IL26: variants seen among roughly 807,000 people sequenced by gnomAD.
IL26 encodes the protein interleukin 26.
A neutral mutation model predicts 21.7 loss-of-function variants in IL26; 23 were observed. The ratio of observed to expected loss-of-function variants is 1.06; its 90% CI spans 0.76 to 1.50. The LOEUF (loss-of-function observed/expected upper bound fraction) is 1.50. Ranked by LOEUF, IL26 falls within the 40% of genes most tolerant of loss-of-function variation. The probability of loss-of-function intolerance (pLI) is 0.00; values close to 1 mark genes in which losing one functional copy is unlikely to be tolerated. For missense variants in IL26, 204 were observed against 196.0 expected, an observed-to-expected ratio of 1.04 and a Z score of -0.24; for synonymous variants, 63 against 67.8, an observed-to-expected ratio of 0.93 and a Z score of 0.34.
chr12:68,221,620 C>T (rs1032610234), intron 3 of IL26, among the ~76,000 whole-genome samples: 3 of 152,200 alleles, frequency 2.0e-5, no homozygotes, highest in East Asian at 1.9e-4. Context: ...CTGTTATCTG[C>T]AGCCAGTAAT....
chr12:68,217,849 A>G (rs1444648622), intron 3 of IL26, among the ~76,000 whole-genome samples: 1 of 152,202 alleles, frequency 6.6e-6, no homozygotes, highest in East Asian at 1.9e-4. Flanking sequence ...CAGTCAGAAA[A>G]TACAGACTAT....
In IL26 at chr12:68,225,152, G is replaced by C. The variant is rs1198167721; in HGVS notation, c.360C>G (p.His120Gln). 1 of 1,608,296 alleles carries C rather than the reference G, an allele frequency of 6.2e-7. No homozygotes were observed. Among genetic ancestry groups the C allele is most frequent in the Non-Finnish European group, 8.5e-7 (1 of 1,178,216 alleles). ...DFHSLRQKLS[H>Q]CISCASSARE... ...AGTATTTGTTGTGTATACTTACACA[G>C]TGGCTCAATTTCTGCCTAAGGCTAT... Residue 120 changes from histidine to glutamine, a missense_variant, in exon 3 of 5, where the codon CAC (histidine) becomes CAG (glutamine). Coordinates refer to ENST00000229134, the MANE Select transcript of IL26 (RefSeq NM_018402.2).
At chr12:68,213,870 C>T (rs1706554972) in intron 3 of IL26, among the ~76,000 whole-genome samples, 1 of 151,926 alleles carries the variant, frequency 6.6e-6, no homozygotes, top group African/African-American at 2.4e-5. Flanking sequence ...TGTTTCTGCT[C>T]TGACATTTAT....
At position 68,225,641 on chromosome 12, in the gene IL26, G is replaced by A. The variant is rs1869223883; in HGVS notation, c.116C>T (p.Ser39Phe). The A allele has an allele frequency of 6.2e-7, 1 of 1,614,048 alleles. No individual in the cohort carries two copies. The highest frequency in any genetic ancestry group is 1.1e-5 in the South Asian group (1 of 91,074). Residue 39 changes from serine to phenylalanine, a missense_variant, in exon 1 of 5, where the codon TCC (serine) becomes TTC (phenylalanine). By Grantham distance (155) the Ser-to-Phe change is radical. Transcript: ENST00000229134. ...TKSCYPRGTL[S>F]QAVDALYIKA... ...GATATAGAGAGCGTCAACAGCTTGG[G>A]ACAATGTTCCCCTTGGGTAACAACT...
intron 3 of IL26, among the ~76,000 whole-genome samples, chr12:68,202,333 A>T (rs74731115): frequency 6.6e-6 from 1 of 152,236 alleles, no homozygotes; most frequent in Non-Finnish European, 1.5e-5. Context: ...TCGAAACTCT[A>T]TGACAGGGAT....
intron 3 of IL26, among the ~76,000 whole-genome samples, chr12:68,223,277 A>G (rs958040140): frequency 1.3e-5 from 2 of 152,164 alleles, no homozygotes; most frequent in Admixed American, 1.3e-4. Flanking sequence ...CGTGTTGCCT[A>G]GCGAGATTGA....
intron 3 of IL26, among the ~76,000 whole-genome samples, chr12:68,215,148 T>C (rs1868840155): frequency 6.6e-6 from 1 of 152,186 alleles, no homozygotes; most frequent in Non-Finnish European, 1.5e-5. Context: ...TTTTAAAAAC[T>C]ATACTTTAAC....
chr12:68,203,910 C>A, intron 3 of IL26, among the ~76,000 whole-genome samples: 1 of 152,114 alleles, frequency 6.6e-6, no homozygotes, highest in Non-Finnish European at 1.5e-5. Flanking sequence ...CAGGGTTAGA[C>A]CTCACTGTGA....
intron 3 of IL26, 22 bp from the exon 4 acceptor site, chr12:68,202,105 C>T (rs1382086454): frequency 2.0e-6 from 3 of 1,465,434 alleles, no homozygotes; most frequent in Non-Finnish European, 2.8e-6. Flanking sequence ...ACAGTAATTA[C>T]AGATAATATT....
rs376101183 is a variant in IL26, at chr12:68,201,811, A to C, written c.*34T>G. On this transcript the variant is annotated 3_prime_UTR_variant, in exon 5 of 5. Transcript: ENST00000229134. ...TTCTAGCAGTTCTTATTGTATTTCA[A>C]AATAACTGTAAAATCAATGTACTTG... 2 of 1,413,978 alleles carry C rather than the reference A, an allele frequency of 1.4e-6. No homozygotes were observed. The highest frequency in any genetic ancestry group is 2.5e-5 in the South Asian group (2 of 79,274). The allele number at this position is 1,413,978 out of a possible 1,614,324, so 87.6% of individuals were successfully genotyped here.
intron 3 of IL26, among the ~76,000 whole-genome samples, chr12:68,219,121 TAAAAC>T (rs918593299): frequency 1.5e-4 from 23 of 151,746 alleles, no homozygotes; most frequent in African/African-American, 5.1e-4. Flanking sequence ...CAATAATTGA[TAAAAC>T]AAGTAGAAAA....
At chr12:68,207,556 C>A (rs574925082) in intron 3 of IL26, among the ~76,000 whole-genome samples, 1 of 152,250 alleles carries the variant, frequency 6.6e-6, no homozygotes, top group African/African-American at 2.4e-5. Context: ...AGTAGTACAG[C>A]ATTACCACAA....
At chr12:68,220,534 A>C (rs1869016252) in intron 3 of IL26, among the ~76,000 whole-genome samples, 1 of 152,222 alleles carries the variant, frequency 6.6e-6, no homozygotes, top group Non-Finnish European at 1.5e-5. Flanking sequence ...TTTTTTCATG[A>C]CCTTTGTGTT....
intron 3 of IL26, among the ~76,000 whole-genome samples, chr12:68,211,937 CA>C (rs11570943): frequency 1.3e-4 from 19 of 150,968 alleles, no homozygotes; most frequent in Non-Finnish European, 2.5e-4. Flanking sequence ...AGGACTTACT[CA>C]AAAAAAAATC....
In IL26 at chr12:68,202,759, C is replaced by T. The variant is rs529224300; in HGVS notation, c.364-676G>A. Among the ~76,000 whole-genome samples, 10 of 152,208 alleles carry T rather than the reference C, an allele frequency of 6.6e-5. No homozygotes were observed. The South Asian group carries it at 8.3e-4, about 13-fold the overall frequency. On this transcript the variant is annotated intron_variant, in intron 3 of 4. Transcript: ENST00000229134. ...ATTTGGGTGGGGACACAGAGCCAAA[C>T]CATATCAACATTTAAGTTGAGATAA...
chr12:68,223,883 G>GTTTTTTTTTTTTTTTTTTTTTT (rs201652400), intron 3 of IL26, among the ~76,000 whole-genome samples: 2 of 81,914 alleles, frequency 2.4e-5, no homozygotes, highest in Admixed American at 1.2e-4. Flanking sequence ...TAAATTTGGT[G>GTTTTTTTTTTTTTTTTTTTTTT]GTTTTTTTTT....
At chr12:68,212,362 G>C (rs775990983) in intron 3 of IL26, among the ~76,000 whole-genome samples, 3 of 151,818 alleles carry the variant, frequency 2.0e-5, no homozygotes, top group Non-Finnish European at 4.4e-5. Flanking sequence ...TTTGGCTTTT[G>C]GGGGGTCTTT....
At position 68,216,050 on chromosome 12, in the gene IL26, T is replaced by G. The variant is rs200314404; in HGVS notation, c.363+9099A>C. Among the ~76,000 whole-genome samples the G allele has an allele frequency of 3.1e-4, 47 of 151,112 alleles. No individual in the cohort carries two copies. The East Asian group carries it at 9.2e-3, about 29-fold the overall frequency. On this transcript the variant is annotated intron_variant, in intron 3 of 4. Transcript: ENST00000229134. Reference sequence around the variant, plus strand: ...GCTCACGCCTGTAATCCCAGCACTTTGGGAGGCTGAGGTGGATGGATCACA... The same window carrying G: ...GCTCACGCCTGTAATCCCAGCACTTGGGGAGGCTGAGGTGGATGGATCACA...
intron 3 of IL26, among the ~76,000 whole-genome samples, chr12:68,216,848 A>G (rs1341063672): frequency 6.6e-6 from 1 of 152,234 alleles, no homozygotes; most frequent in African/African-American, 2.4e-5. Context: ...GGCTCTCAAA[A>G]TGTTAATTAA....
Sources: allele counts gnomAD v4.1 joint callset (sites outside exome capture counted in the v4.1 genomes callset), GRCh38; gene constraint gnomAD v4.1.1; transcripts MANE v1.5; gene names NCBI Gene and HGNC (gene_info 2026-07-23, HGNC 2026-07-21).